VEGFC: variants seen among roughly 807,000 people sequenced by gnomAD.
The protein encoded by VEGFC is FLT4 ligand DHM.
Under a neutral mutation model 46.1 loss-of-function variants are expected in VEGFC, and 12 were observed. That is an observed-to-expected ratio of 0.26 (90% CI 0.17 to 0.42). The LOEUF is 0.42. VEGFC is among the 10% of genes least tolerant of loss of function. The pLI, the probability that VEGFC is intolerant of heterozygous loss-of-function variation, is 1.00. For missense variants in VEGFC, 488 were observed against 529.4 expected (o/e 0.92, Z 0.77); for synonymous variants, 232 against 195.5 (o/e 1.19, Z -1.56).
In VEGFC at chr4:176,750,428, ACTTG is replaced by A. The variant is rs1176068060; in HGVS notation, c.148-20686_148-20683del. Among the ~76,000 whole-genome samples, 6 of 151,840 alleles carry A rather than the reference ACTTG, an allele frequency of 4.0e-5. No individual in the cohort carries two copies. The East Asian group carries it at 1.2e-3, about 29-fold the overall frequency. On this transcript the variant is annotated intron_variant, in intron 1 of 6. Transcript: ENST00000618562. ...AAGAAAATATACTATATAGATACTA[ACTTG>A]AAAAAAATTTATATATGTAGTAATA... is the stretch of plus-strand genomic sequence containing the variant.
intron 2 of VEGFC, 108 bp downstream of exon 2, chr4:176,729,425 C>T: frequency 5.6e-5 from 48 of 859,674 alleles, no homozygotes; most frequent in Middle Eastern, 3.5e-4. Context: ...TGCTTTCCGC[C>T]CTAAAGGTGT....
intron 1 of VEGFC, among the ~76,000 whole-genome samples, chr4:176,742,462 G>T (rs181442848): frequency 6.6e-6 from 1 of 151,908 alleles, no homozygotes; most frequent in South Asian, 2.1e-4. Context: ...TACCAGTAAT[G>T]GGGTTGCTGG....
chr4:176,713,386 C>T (rs1334279969), intron 3 of VEGFC, among the ~76,000 whole-genome samples: 1 of 152,118 alleles, frequency 6.6e-6, no homozygotes, highest in Non-Finnish European at 1.5e-5. Context: ...ATTTTTCTAT[C>T]TTTTAAGACA....
At chr4:176,732,539 T>C (rs1210400840) in intron 1 of VEGFC, among the ~76,000 whole-genome samples, 1 of 151,886 alleles carries the variant, frequency 6.6e-6, no homozygotes, top group Non-Finnish European at 1.5e-5. Context: ...ATAATATCAA[T>C]GAGAAGATGC....
intron 1 of VEGFC, among the ~76,000 whole-genome samples, chr4:176,772,671 C>T (rs113275622): frequency 6.6e-6 from 1 of 152,154 alleles, no homozygotes; most frequent in African/African-American, 2.4e-5. Flanking sequence ...GAGGCTCTGC[C>T]CACCTGAATG....
At chr4:176,700,590 A>G (rs1210304071) in intron 4 of VEGFC, among the ~76,000 whole-genome samples, 3 of 152,146 alleles carry the variant, frequency 2.0e-5, no homozygotes, top group African/African-American at 7.2e-5. Context: ...TTGGAAAGCC[A>G]CCAGAAGTGG....
chr4:176,706,461 T>A (rs1734536198), intron 4 of VEGFC, among the ~76,000 whole-genome samples: 1 of 151,700 alleles, frequency 6.6e-6, no homozygotes, highest in Admixed American at 6.6e-5. Context: ...ACCCCATCTC[T>A]ACTAAAAATA....
chr4:176,723,686 A>G (rs73007573), intron 3 of VEGFC, among the ~76,000 whole-genome samples: 9,894 of 127,042 alleles, frequency 0.078, 689 homozygotes, highest in African/African-American at 0.19. Context: ...GCATATGCAG[A>G]TTTGCGACAC....
At chr4:176,790,504 A>C (rs1261427565) in intron 1 of VEGFC, among the ~76,000 whole-genome samples, 1 of 144,392 alleles carries the variant, frequency 6.9e-6, no homozygotes, top group Non-Finnish European at 1.5e-5. Context: ...TTAATCCTCC[A>C]ATCCCATACC....
chr4:176,703,710 G>A (rs761551327), intron 4 of VEGFC, among the ~76,000 whole-genome samples: 1 of 152,074 alleles, frequency 6.6e-6, no homozygotes, highest in Non-Finnish European at 1.5e-5. Flanking sequence ...CGCATTATAT[G>A]TATGTATCAA....
chr4:176,746,558 T>C (rs2110887640), intron 1 of VEGFC, among the ~76,000 whole-genome samples: 1 of 152,230 alleles, frequency 6.6e-6, no homozygotes, highest in South Asian at 2.1e-4. Flanking sequence ...AATAATATAC[T>C]TTTAAAAACC....
chr4:176,707,150 T>C (rs1204828544), intron 4 of VEGFC, among the ~76,000 whole-genome samples: 4 of 152,188 alleles, frequency 2.6e-5, no homozygotes. Flanking sequence ...TTCATGGGCA[T>C]TTGAGTTGTT....
intron 4 of VEGFC, among the ~76,000 whole-genome samples, chr4:176,710,318 T>C (rs1734600769): frequency 6.6e-6 from 1 of 152,090 alleles, no homozygotes; most frequent in South Asian, 2.1e-4. Context: ...GGGGATGAAA[T>C]TGCACATACG....
In VEGFC at chr4:176,683,980, A is replaced by G; in HGVS notation, c.1206T>C (p.Ser402=). 1 of 1,614,194 alleles carries G rather than the reference A, an allele frequency of 6.2e-7. No individual in the cohort carries two copies. The highest frequency in any genetic ancestry group is 8.5e-7 in the Non-Finnish European group (1 of 1,180,026). ...AAGGGACACAACGACACACTTCTTC[A>G]CTATATGAAAATCCTGGCTCACAAG... The part of the protein sequence containing the change: ...QKACEPGFSY[S]EEVCRCVPSY... Residue 402 remains serine, a synonymous_variant, in exon 7 of 7, where the codon AGT becomes AGC. Coordinates refer to ENST00000618562, the MANE Select transcript of VEGFC (RefSeq NM_005429.5).
At chr4:176,768,190 C>T (rs1008588120) in intron 1 of VEGFC, among the ~76,000 whole-genome samples, 1 of 151,940 alleles carries the variant, frequency 6.6e-6, no homozygotes, top group Non-Finnish European at 1.5e-5. Context: ...GTGGAAATGA[C>T]AAAGGCAGCT....
In VEGFC at chr4:176,683,839, C is replaced by T; in HGVS notation, c.*87G>A. ...TTTTGTCTTTGTTAGCATGGACCCA[C>T]AAGGGTCTCTCTGTTCACAGACAGT... On this transcript the variant is annotated 3_prime_UTR_variant, in exon 7 of 7. Coordinates refer to ENST00000618562, the MANE Select transcript of VEGFC (RefSeq NM_005429.5). 1.8e-6 allele frequency: 2 copies of T among 1,102,428 alleles called. No individual in the cohort carries two copies. Among genetic ancestry groups the T allele is most frequent in the Non-Finnish European group, 2.8e-6 (2 of 725,830 alleles). 68.3% of individuals were successfully genotyped at this position (1,102,428 alleles called of 1,614,324 possible).
At chr4:176,728,028 A>G in intron 2 of VEGFC, 60 bp from the exon 3 acceptor site, 2 of 1,396,718 alleles carry the variant, frequency 1.4e-6, no homozygotes, top group Non-Finnish European at 1.9e-6. Flanking sequence ...AAAAAAGCCC[A>G]CAGCAGCTGC....
At chr4:176,753,732 T>A (rs1202928017) in intron 1 of VEGFC, among the ~76,000 whole-genome samples, 1 of 152,018 alleles carries the variant, frequency 6.6e-6, no homozygotes, top group Non-Finnish European at 1.5e-5. Context: ...ACAAGGACAA[T>A]TTTTACTCTC....
At chr4:176,783,871 T>G (rs997961270) in intron 1 of VEGFC, among the ~76,000 whole-genome samples, 1 of 152,186 alleles carries the variant, frequency 6.6e-6, no homozygotes, top group Non-Finnish European at 1.5e-5. Context: ...AATTTATAAT[T>G]TTAAAAATTT....
Sources: allele counts gnomAD v4.1 joint callset (sites outside exome capture counted in the v4.1 genomes callset), GRCh38; gene constraint gnomAD v4.1.1; transcripts MANE v1.5; gene names NCBI Gene and HGNC (gene_info 2026-07-23, HGNC 2026-07-21).